Variants in INTS13 observed in about 807,000 individuals in gnomAD.
INTS13 encodes asunder, spermatogenesis regulator homolog (Drosphila).
A neutral mutation model predicts 90.2 loss-of-function variants in INTS13; 35 were observed. That is an observed-to-expected ratio of 0.39 (90% CI 0.30 to 0.51). The LOEUF is 0.51. INTS13 is among the 20% of genes least tolerant of loss of function. The pLI is 0.80. For synonymous variants in INTS13, 309 were observed against 277.1 expected, an observed-to-expected ratio of 1.11 and a Z score of -1.14; for missense variants, 601 against 851.2, an observed-to-expected ratio of 0.71 and a Z score of 3.66.
intron 10 of INTS13, among the ~76,000 whole-genome samples, chr12:26,916,849 G>GT (rs1283336525): frequency 1.3e-5 from 2 of 152,074 alleles, no homozygotes; most frequent in Non-Finnish European, 2.9e-5. Context: ...AAGGTCACAG[G>GT]TAAGAATCAT....
chr12:26,927,883 T>C (rs959086956), intron 5 of INTS13, among the ~76,000 whole-genome samples: 1 of 152,220 alleles, frequency 6.6e-6, no homozygotes, highest in African/African-American at 2.4e-5. Flanking sequence ...CGCAAAGTGC[T>C]GGGATAACAG....
chr12:26,914,213 G>C, intron 12 of INTS13, 85 bp from the exon 13 acceptor site: 1 of 1,294,906 alleles, frequency 7.7e-7, no homozygotes, highest in South Asian at 1.6e-5. Context: ...ATTTTCGAAA[G>C]GATTTTAAAG....
rs184626496 is a variant in INTS13, at chr12:26,927,128, G to A, written c.584+1077C>T. Among the ~76,000 whole-genome samples the A allele has an allele frequency of 4.5e-4, 69 of 152,380 alleles. 2 individuals carry two copies. Among genetic ancestry groups the A allele is most frequent in the African/African-American group, 1.6e-3 (67 of 41,596 alleles). On this transcript the variant is annotated intron_variant, in intron 5 of 16. Transcript: ENST00000261191. ...ACCCACTTCATGTGTCTGTGCATCT[G>A]TATCCTTCATAATAAATCAGAAAAC...
At chr12:26,918,683 T>C (rs1592210559) in intron 8 of INTS13, among the ~76,000 whole-genome samples, 1 of 152,190 alleles carries the variant, frequency 6.6e-6, no homozygotes, top group Non-Finnish European at 1.5e-5. Context: ...ATCTGGAAAG[T>C]AAATACGTAA....
intron 15 of INTS13, among the ~76,000 whole-genome samples, chr12:26,907,707 GATAA>G (rs1951651626): frequency 6.6e-6 from 1 of 152,078 alleles, no homozygotes; most frequent in South Asian, 2.1e-4. Context: ...CTTGTATCCA[GATAA>G]ATAAACAACT....
intron 6 of INTS13, among the ~76,000 whole-genome samples, 159 bp downstream of exon 6, chr12:26,925,602 A>G (rs1937824487): frequency 6.6e-6 from 1 of 152,196 alleles, no homozygotes; most frequent in Non-Finnish European, 1.5e-5. Context: ...TATACCATAA[A>G]GAACCAACCT....
At chr12:26,938,025 G>C (rs1175770508), upstream of INTS13, 1 of 151,894 alleles carries the variant, frequency 6.6e-6, no homozygotes, top group Non-Finnish European at 1.5e-5. Flanking sequence ...TCGGGCTCGC[G>C]CGTGCGCACA....
chr12:26,935,871 T>C (rs371696515), intron 2 of INTS13, among the ~76,000 whole-genome samples: 9 of 152,336 alleles, frequency 5.9e-5, no homozygotes, highest in East Asian at 3.9e-4. Flanking sequence ...CTTCCACTTG[T>C]GGCTAAACAA....
chr12:26,930,710 T>G (rs1294601739), intron 3 of INTS13, among the ~76,000 whole-genome samples: 1 of 152,200 alleles, frequency 6.6e-6, no homozygotes, highest in Non-Finnish European at 1.5e-5. Flanking sequence ...AGCATACCTA[T>G]CCATCAAATG....
chr12:26,935,233 G>C (rs1938399529), intron 2 of INTS13, among the ~76,000 whole-genome samples: 1 of 152,210 alleles, frequency 6.6e-6, no homozygotes, highest in South Asian at 2.1e-4. Flanking sequence ...AAGTTTTAAA[G>C]TAAAATGCAA....
rs530613379 is a variant in INTS13, at chr12:26,911,988, A to T, written c.1806-671T>A. On this transcript the variant is annotated intron_variant, in intron 14 of 16. Coordinates refer to ENST00000261191, the MANE Select transcript of INTS13 (RefSeq NM_018164.3). ...ATACAATTACAGGATTTCCAGAATT[A>T]GCTTCAAAATATTCCTATGGGTGTA... 4.6e-5 allele frequency among the ~76,000 whole-genome samples: 7 copies of T among 152,356 alleles called. No individual in the cohort carries two copies. In the South Asian group the frequency reaches 1.4e-3, roughly 32 times the overall value.
chr12:26,924,303 A>G (rs1937744223), intron 7 of INTS13, 52 bp downstream of exon 7: 2 of 1,590,416 alleles, frequency 1.3e-6, no homozygotes, highest in African/African-American at 1.4e-5. Flanking sequence ...TCAAACAAAT[A>G]TTTAAAAAGC....
intron 3 of INTS13, 43 bp from the exon 4 acceptor site, chr12:26,928,948 A>G (rs541568845): frequency 6.5e-7 from 1 of 1,536,908 alleles, no homozygotes; most frequent in East Asian, 2.3e-5. Context: ...GAGTATGTGC[A>G]ATTCAGATAA....
chr12:26,908,245 C>T (rs1198048826), intron 15 of INTS13, among the ~76,000 whole-genome samples: 1 of 151,988 alleles, frequency 6.6e-6, no homozygotes, highest in Admixed American at 6.6e-5. Flanking sequence ...TACAAAGGGT[C>T]AATATGAGGA....
chr12:26,912,064 T>C (rs1021533584), intron 14 of INTS13, among the ~76,000 whole-genome samples: 1 of 152,250 alleles, frequency 6.6e-6, no homozygotes, highest in Non-Finnish European at 1.5e-5. Flanking sequence ...CTGCCATGAA[T>C]TGTTAATCAT....
chr12:26,934,512 T>C, intron 3 of INTS13, 44 bp downstream of exon 3: 1 of 1,341,038 alleles, frequency 7.5e-7, no homozygotes, highest in Non-Finnish European at 1.1e-6. Flanking sequence ...TATTACCACA[T>C]TTAGATAATT....
Position 26,905,363 on chromosome 12 carries a change from CA to C in INTS13, c.*133del. The C allele has an allele frequency of 1.4e-6, 1 of 729,988 alleles. No homozygotes were observed. Among genetic ancestry groups the C allele is most frequent in the Non-Finnish European group, 2.2e-6 (1 of 456,694 alleles). The allele number at this position is 729,988 out of a possible 1,614,324, so 45.2% of individuals were successfully genotyped here. On this transcript the variant is annotated 3_prime_UTR_variant, in exon 17 of 17. Coordinates refer to ENST00000261191, the MANE Select transcript of INTS13 (RefSeq NM_018164.3). ...AATTTTATAATTAGTACAAAAATGACAGCTGAAATATTTTAAAAATGTAAAA... is the reference window on the plus strand; with the variant it reads ...AATTTTATAATTAGTACAAAAATGACGCTGAAATATTTTAAAAATGTAAAA...
chr12:26,925,617 G>A (rs1171802286), intron 6 of INTS13, 144 bp downstream of exon 6: 3 of 624,512 alleles, frequency 4.8e-6, no homozygotes, highest in South Asian at 5.0e-5. Flanking sequence ...CAACCTAGAT[G>A]TCTTGACATA....
chr12:26,915,448 AAC>A (rs1305306072), intron 11 of INTS13, among the ~76,000 whole-genome samples: 5 of 152,192 alleles, frequency 3.3e-5, no homozygotes, highest in Non-Finnish European at 7.4e-5. Flanking sequence ...TACAGTATAT[AAC>A]AGTTTGTGGT....
Sources: allele counts gnomAD v4.1 joint callset (sites outside exome capture counted in the v4.1 genomes callset), GRCh38; gene constraint gnomAD v4.1.1; transcripts MANE v1.5; gene names NCBI Gene and HGNC (gene_info 2026-07-23, HGNC 2026-07-21).